The following ZNF385D variants were observed in gnomAD, a reference collection of about 807,000 sequenced individuals.
ZNF385D encodes zinc finger protein 659.
Under a neutral mutation model 35.8 loss-of-function variants are expected in ZNF385D, and 15 were observed. The observed-to-expected ratio is 0.42, with a 90% CI of 0.28 to 0.64. ZNF385D has a LOEUF of 0.64. Ranked by LOEUF, ZNF385D falls within the 30% of genes least tolerant of loss-of-function variation. ZNF385D has a pLI of 0.23. For missense variants in ZNF385D, 474 were observed against 494.6 expected (o/e 0.96, Z 0.39); for synonymous variants, 212 against 186.8 (o/e 1.13, Z -1.10).
chr3:21,771,264 C>T (rs976784663), intron 3 of ZNF385D, among the ~76,000 whole-genome samples: 2 of 151,208 alleles, frequency 1.3e-5, no homozygotes, highest in Non-Finnish European at 3.0e-5. Context: ...CCTGAGGAAG[C>T]CTTAAATGTA....
At chr3:21,778,255 C>A (rs1285220426) in intron 3 of ZNF385D, among the ~76,000 whole-genome samples, 3 of 151,888 alleles carry the variant, frequency 2.0e-5, no homozygotes, top group Non-Finnish European at 4.4e-5. Flanking sequence ...TCACTGGAAG[C>A]ATTTTCATTT....
Position 21,981,382 on chromosome 3 carries a change from C to T in ZNF385D, c.325+187435G>A, listed in dbSNP as rs146643074. Among the ~76,000 whole-genome samples the T allele has an allele frequency of 6.1e-3, 925 of 152,178 alleles. 10 individuals carry two copies. Among genetic ancestry groups the T allele is most frequent in the African/African-American group, 0.021 (883 of 41,536 alleles). Reference sequence around the variant, plus strand: ...CTGCATGTCTTCTTTTGAGAAGTGTCTGTTCATGACTGAACACTTTTAAAT... The same window carrying T: ...CTGCATGTCTTCTTTTGAGAAGTGTTTGTTCATGACTGAACACTTTTAAAT... On this transcript the variant is annotated intron_variant, in intron 3 of 5. Transcript: ENST00000494108.
At chr3:21,903,008 A>G (rs1284864422) in intron 3 of ZNF385D, among the ~76,000 whole-genome samples, 1 of 152,096 alleles carries the variant, frequency 6.6e-6, no homozygotes, top group African/African-American at 2.4e-5. Flanking sequence ...AAACTTCACC[A>G]TTGGTCTAAT....
intron 3 of ZNF385D, among the ~76,000 whole-genome samples, chr3:22,155,438 G>T (rs1576414792): frequency 6.6e-6 from 1 of 151,934 alleles, no homozygotes; most frequent in South Asian, 2.1e-4. Flanking sequence ...ATGAAGGGAA[G>T]GAAAATATTT....
intron 1 of ZNF385D, among the ~76,000 whole-genome samples, chr3:21,709,631 A>G (rs775550404): frequency 3.9e-5 from 6 of 152,222 alleles, no homozygotes; most frequent in South Asian, 2.1e-4. Context: ...TAAATAAACT[A>G]TAAGAGAAAA....
At chr3:22,174,439 T>A (rs140057457) in intron 2 of ZNF385D, among the ~76,000 whole-genome samples, 1 of 152,162 alleles carries the variant, frequency 6.6e-6, no homozygotes, top group African/African-American at 2.4e-5. Context: ...TAAACCACAG[T>A]GTAAGTAGTT....
chr3:21,678,885 C>T (rs2066811708), intron 1 of ZNF385D, among the ~76,000 whole-genome samples: 1 of 152,090 alleles, frequency 6.6e-6, no homozygotes, highest in Admixed American at 6.6e-5. Context: ...CCTATTTATA[C>T]AGTTTAATGT....
intron 4 of ZNF385D, among the ~76,000 whole-genome samples, chr3:21,504,902 G>T (rs906705266): frequency 6.6e-6 from 1 of 152,148 alleles, no homozygotes; most frequent in Non-Finnish European, 1.5e-5. Flanking sequence ...AGAGTAAAAT[G>T]AAGAACATGG....
chr3:22,080,081 G>C (rs186271562), intron 3 of ZNF385D, among the ~76,000 whole-genome samples: 9 of 152,224 alleles, frequency 5.9e-5, no homozygotes, highest in African/African-American at 1.7e-4. Context: ...AAAATGTTCA[G>C]GGATCGTTTT....
At chr3:21,761,869 CTTTTTTTTTTTTTTTTTTTT>C (rs58790934) in intron 3 of ZNF385D, among the ~76,000 whole-genome samples, 1 of 77,190 alleles carries the variant, frequency 1.3e-5, no homozygotes, top group Non-Finnish European at 2.2e-5. Flanking sequence ...CATTTTCTTC[CTTTTTTTTTTTTTTTTTTTT>C]TTTTTTTTGA....
intron 3 of ZNF385D, among the ~76,000 whole-genome samples, chr3:21,895,377 C>A (rs2125888504): frequency 7.6e-6 from 1 of 131,656 alleles, no homozygotes; most frequent in African/African-American, 2.9e-5. Context: ...ACCCTGACTG[C>A]AGTGTAATGG....
intron 3 of ZNF385D, among the ~76,000 whole-genome samples, chr3:21,929,749 G>C (rs1349776881): frequency 3.3e-5 from 5 of 151,938 alleles, no homozygotes; most frequent in Admixed American, 3.3e-4. Context: ...TTTAACAAAA[G>C]AGGGGCAATA....
chr3:21,745,808 C>G (rs1004927315), intron 1 of ZNF385D, among the ~76,000 whole-genome samples: 1 of 152,266 alleles, frequency 6.6e-6, no homozygotes, highest in South Asian at 2.1e-4. Context: ...AAGCATCATG[C>G]TTTCTTAGGC....
intron 3 of ZNF385D, among the ~76,000 whole-genome samples, chr3:22,089,465 G>C (rs1701212876): frequency 6.6e-6 from 1 of 152,276 alleles, no homozygotes; most frequent in Admixed American, 6.5e-5. Context: ...CCAAAGACAG[G>C]CTCCTGCGGT....
chr3:21,727,309 C>G (rs974168161), intron 1 of ZNF385D, among the ~76,000 whole-genome samples: 1 of 152,074 alleles, frequency 6.6e-6, no homozygotes, highest in Non-Finnish European at 1.5e-5. Context: ...CAACAAAAGC[C>G]AAAATTGACA....
intron 3 of ZNF385D, among the ~76,000 whole-genome samples, chr3:21,840,701 T>C (rs371585397): frequency 2.6e-5 from 4 of 152,212 alleles, no homozygotes; most frequent in South Asian, 4.1e-4. Flanking sequence ...TTCCATCCAG[T>C]TCTAATACTC....
chr3:22,234,282 T>C (rs548971596), intron 2 of ZNF385D, among the ~76,000 whole-genome samples: 9 of 152,128 alleles, frequency 5.9e-5, no homozygotes, highest in Non-Finnish European at 8.8e-5. Context: ...TGCCATCAGA[T>C]TGTCTTAAAT....
intron 1 of ZNF385D, among the ~76,000 whole-genome samples, chr3:21,722,800 C>T (rs372937066): frequency 6.6e-6 from 1 of 152,166 alleles, no homozygotes; most frequent in African/African-American, 2.4e-5. Flanking sequence ...TGCAAGTGAC[C>T]CTGACTGCCT....
At chr3:21,483,258 G>T (rs1704770357) in intron 4 of ZNF385D, among the ~76,000 whole-genome samples, 1 of 152,090 alleles carries the variant, frequency 6.6e-6, no homozygotes, top group Non-Finnish European at 1.5e-5. Context: ...CTTTGAGATT[G>T]GTTTTGTTCA....
Sources: gnomAD v4.1 joint callset for allele counts (sites outside exome capture counted in the v4.1 genomes callset) on GRCh38, gnomAD v4.1.1 for gene constraint, MANE v1.5 for transcripts, NCBI Gene and HGNC (gene_info 2026-07-23, HGNC 2026-07-21) for gene names.